Variants in ASIC2 observed in about 807,000 individuals in gnomAD.
ASIC2 encodes the protein acid-sensing ion channel 2.
A neutral mutation model predicts 57.3 loss-of-function variants in ASIC2; 25 were observed. The observed-to-expected ratio is 0.44, with a 90% CI of 0.32 to 0.61. The LOEUF is 0.61. ASIC2 is among the 20% of genes least tolerant of loss of function. The pLI is 0.06. For missense variants in ASIC2, 641 were observed against 738.1 expected (o/e 0.87, Z 1.52); for synonymous variants, 319 against 307.5 (o/e 1.04, Z -0.39).
intron 1 of ASIC2, among the ~76,000 whole-genome samples, chr17:33,354,768 T>C (rs1440479437): frequency 1.3e-5 from 2 of 152,182 alleles, no homozygotes; most frequent in Admixed American, 6.5e-5. Context: ...CCTGTTTATA[T>C]GCTCAGCATT....
In ASIC2 at chr17:33,111,959, C is replaced by T. The variant is rs778651350; in HGVS notation, c.817G>A (p.Asp273Asn). 1.2e-6 allele frequency: 2 copies of T among 1,613,914 alleles called. No individual in the cohort carries two copies. Among genetic ancestry groups the T allele is most frequent in the East Asian group, 2.2e-5 (1 of 44,874 alleles). The change falls in exon 2 of 10, where the codon GAC becomes AAC. Residue 273 changes from aspartate (D) to asparagine (N), a missense_variant. This residue lies in a region of ASIC2 where 382 missense variants were observed against 398.0 expected (regional missense o/e 0.96). Transcript: ENST00000225823. ...GTGNGLEIML[D>N]IQQDEYLPIW... ...GGCAGGTACTCATCCTGCTGAATGT[C>T]CAGCATGATCTCCAGCCCGTTGCCT...
chr17:33,750,549 C>T (rs1910400149), intron 1 of ASIC2, among the ~76,000 whole-genome samples: 1 of 152,086 alleles, frequency 6.6e-6, no homozygotes, highest in African/African-American at 2.4e-5. Context: ...GTGCCGAGGG[C>T]CCTACATTTA....
chr17:33,634,833 G>T (rs1165119616), intron 1 of ASIC2: 1 of 151,914 alleles, frequency 6.6e-6, no homozygotes, highest in African/African-American at 2.4e-5. Context: ...GATTACAGGC[G>T]TGAGCCACTG....
intron 1 of ASIC2, among the ~76,000 whole-genome samples, chr17:33,700,180 T>C (rs1481069270): frequency 1.3e-5 from 2 of 152,144 alleles, no homozygotes; most frequent in African/African-American, 4.8e-5. Context: ...CTCAAAGGGT[T>C]GGAACCCTTG....
rs1185287707 is a variant in ASIC2, at chr17:33,292,069, C to T, written c.47G>A (p.Gly16Asp). ...GCGGGCCATGCGGAAGCGTCCCGGG[C>T]CGGTGAGCGCGGCTGCGGGCAGCCC... Reference protein sequence around the residue: ...GAGLPAAALTGPGRFRMAREE... With the variant: ...GAGLPAAALTDPGRFRMAREE... Residue 16 changes from glycine (G) to aspartate (D), a missense_variant, in exon 1 of 10, where the codon GGC becomes GAC. This residue lies in a region of ASIC2 where 382 missense variants were observed against 398.0 expected (regional missense o/e 0.96). Transcript: ENST00000225823. 3 of 1,084,464 alleles carry T rather than the reference C, an allele frequency of 2.8e-6. No individual in the cohort carries two copies. Among genetic ancestry groups the T allele is most frequent in the East Asian group, 6.3e-5 (1 of 15,896 alleles). 67.2% of individuals were successfully genotyped at this position (1,084,464 alleles called of 1,614,324 possible). A position where few individuals can be genotyped will look rare whatever the true frequency, so the allele number is the denominator to read the frequency against.
At chr17:33,610,988 A>G (rs1005047444) in intron 1 of ASIC2, among the ~76,000 whole-genome samples, 1 of 152,222 alleles carries the variant, frequency 6.6e-6, no homozygotes, top group African/African-American at 2.4e-5. Flanking sequence ...CCAGGCATCT[A>G]GGAATCTGGT....
intron 1 of ASIC2, among the ~76,000 whole-genome samples, chr17:33,674,936 T>A (rs1907768733): frequency 6.6e-6 from 1 of 152,162 alleles, no homozygotes. Context: ...TTCTTTGTCT[T>A]AAAAATGAGA....
At chr17:33,247,481 G>GA (rs968759558) in intron 1 of ASIC2, among the ~76,000 whole-genome samples, 3 of 150,380 alleles carry the variant, frequency 2.0e-5, no homozygotes, top group South Asian at 4.2e-4. Flanking sequence ...AATCCAAAAA[G>GA]AAAAAAAAAG....
chr17:33,525,893 G>A (rs1914872664), intron 1 of ASIC2, among the ~76,000 whole-genome samples: 1 of 152,180 alleles, frequency 6.6e-6, no homozygotes, highest in Non-Finnish European at 1.5e-5. Flanking sequence ...ACTTCTGACT[G>A]AGCTATTACA....
At chr17:33,898,947 C>G (rs1245265624) in intron 1 of ASIC2, among the ~76,000 whole-genome samples, 1 of 152,240 alleles carries the variant, frequency 6.6e-6, no homozygotes, top group East Asian at 1.9e-4. Flanking sequence ...CTGATTAACT[C>G]AACTTACCCC....
At position 33,262,452 on chromosome 17, in the gene ASIC2, A is replaced by G. The variant is rs1040248290; in HGVS notation, c.708+28956T>C. ...GAGGAAGGGAGGGAGGAAGGGAAGGAGGGAGGCAAGGTATGGAAGGGAGGG... is the reference window on the plus strand; with the variant it reads ...GAGGAAGGGAGGGAGGAAGGGAAGGGGGGAGGCAAGGTATGGAAGGGAGGG... On this transcript the variant is annotated intron_variant, in intron 1 of 9. Transcript: ENST00000225823. Among the ~76,000 whole-genome samples, 79 of 151,542 alleles carry G rather than the reference A, an allele frequency of 5.2e-4. 1 individual carries two copies. Among genetic ancestry groups the G allele is most frequent in the Non-Finnish European group, 2.7e-4 (18 of 67,904 alleles).
At chr17:33,577,262 A>G (rs1051428355) in intron 1 of ASIC2, among the ~76,000 whole-genome samples, 5 of 152,154 alleles carry the variant, frequency 3.3e-5, no homozygotes, top group African/African-American at 1.2e-4. Context: ...CTTCTGGAAC[A>G]TGTTATGCTC....
chr17:33,686,269 C>A (rs1908185064), intron 1 of ASIC2, among the ~76,000 whole-genome samples: 1 of 152,104 alleles, frequency 6.6e-6, no homozygotes, highest in Non-Finnish European at 1.5e-5. Flanking sequence ...TTGATAAAAT[C>A]ACACTGTATT....
intron 1 of ASIC2, among the ~76,000 whole-genome samples, chr17:33,753,595 C>T (rs531604704): frequency 3.3e-4 from 50 of 152,260 alleles, no homozygotes; most frequent in African/African-American, 1.0e-3. Flanking sequence ...CCAGTGCAGC[C>T]GTGTGGTGGA....
chr17:33,903,477 G>C (rs888214140), intron 1 of ASIC2, among the ~76,000 whole-genome samples: 1 of 152,196 alleles, frequency 6.6e-6, no homozygotes, highest in Non-Finnish European at 1.5e-5. Flanking sequence ...AACACTGCAT[G>C]CTTTCTTTAG....
chr17:33,865,761 AAAAAAAAAAAC>A (rs1406528800), intron 1 of ASIC2, among the ~76,000 whole-genome samples: 1,651 of 28,464 alleles, frequency 0.058, 36 homozygotes, highest in African/African-American at 0.11. Flanking sequence ...AAAAAAAATA[AAAAAAAAAAAC>A]AAAAAAAAAA....
chr17:33,661,119 C>T (rs2142044724), intron 1 of ASIC2, among the ~76,000 whole-genome samples: 1 of 152,286 alleles, frequency 6.6e-6, no homozygotes, highest in East Asian at 1.9e-4. Flanking sequence ...TCTGCCCCCG[C>T]TGCTGTCTTA....
chr17:33,043,510 A>G (rs955913176), intron 3 of ASIC2, among the ~76,000 whole-genome samples: 3 of 152,240 alleles, frequency 2.0e-5, no homozygotes, highest in African/African-American at 7.2e-5. Context: ...AATCCTGGGC[A>G]TATGGCAAAC....
At chr17:33,619,204 T>A (rs1025892887) in intron 1 of ASIC2, among the ~76,000 whole-genome samples, 1 of 152,158 alleles carries the variant, frequency 6.6e-6, no homozygotes, top group African/African-American at 2.4e-5. Context: ...TTAGATTCAG[T>A]TTCAATAATA....
Sources: gnomAD v4.1 joint callset for allele counts (sites outside exome capture counted in the v4.1 genomes callset) on GRCh38, gnomAD v4.1.1 for gene constraint, gnomAD v4.1.1 regional missense constraint, MANE v1.5 for transcripts, NCBI Gene and HGNC (gene_info 2026-07-23, HGNC 2026-07-21) for gene names.